Variants in TNRC6A observed in about 807,000 individuals in gnomAD.
The protein encoded by TNRC6A is trinucleotide repeat-containing gene 6A protein.
In TNRC6A, 44 loss-of-function variants were observed where a neutral mutation model predicts 221.2. That is an observed-to-expected ratio of 0.20 (90% CI 0.16 to 0.26). The LOEUF (loss-of-function observed/expected upper bound fraction) is 0.26. Ranked by LOEUF, TNRC6A falls within the 10% of genes least tolerant of loss-of-function variation. The probability of loss-of-function intolerance (pLI) is 1.00; values close to 1 mark genes in which losing one functional copy is unlikely to be tolerated. For missense variants in TNRC6A, 2,199 were observed against 2,404.4 expected (o/e 0.91, Z 1.79); for synonymous variants, 847 against 838.5 (o/e 1.01, Z -0.18).
intron 2 of TNRC6A, among the ~76,000 whole-genome samples, chr16:24,733,283 G>A (rs1951308312): frequency 6.6e-6 from 1 of 152,144 alleles, no homozygotes; most frequent in Admixed American, 6.5e-5. Context: ...GGAAGCCCTG[G>A]TTTCTGAATG....
intron 19 of TNRC6A, chr16:24,816,220 T>A (rs1392500624): frequency 2.7e-5 from 4 of 149,548 alleles, no homozygotes; most frequent in Non-Finnish European, 5.9e-5. Flanking sequence ...TCCCAGCTAC[T>A]CGGGAGGCTG....
chr16:24,655,385 C>T (rs802764), intron 2 of TNRC6A, among the ~76,000 whole-genome samples: 2 of 152,074 alleles, frequency 1.3e-5, no homozygotes, highest in African/African-American at 4.8e-5. Flanking sequence ...ATAAGGGGAA[C>T]AGTCTTTTAA....
chr16:24,801,065 A>G lies in TNRC6A; in HGVS notation c.3694+3099A>G, dbSNP rs542247344. On this transcript the variant is annotated intron_variant, in intron 11 of 24. Transcript: ENST00000395799. ...AAGAAATACAGGAATAGCAGGCTTG[A>G]TAGATACTGCGTTTGAAGGTGCTCT... Among the ~76,000 whole-genome samples the G allele has an allele frequency of 1.4e-3, 207 of 152,366 alleles. 2 individuals are homozygous for G. The highest frequency in any genetic ancestry group is 4.8e-3 in the African/African-American group (199 of 41,598).
At chr16:24,675,690 CTCTCTCTCTCTCTATATATATA>C (rs1289229596) in intron 2 of TNRC6A, among the ~76,000 whole-genome samples, 26 of 87,078 alleles carry the variant, frequency 3.0e-4, no homozygotes, top group African/African-American at 9.7e-4. Flanking sequence ...CTCTCTCTCT[CTCTCTCTCTCTCTATATATATA>C]TATATATATA....
intron 2 of TNRC6A, among the ~76,000 whole-genome samples, chr16:24,657,172 G>A (rs1466313492): frequency 1.3e-5 from 2 of 151,746 alleles, no homozygotes; most frequent in African/African-American, 4.8e-5. Context: ...AAATTAGCCA[G>A]GCATGGTGGT....
At chr16:24,643,078 A>ATTATATATATATATT (rs1350770343) in intron 2 of TNRC6A, among the ~76,000 whole-genome samples, 59 of 133,230 alleles carry the variant, frequency 4.4e-4, no homozygotes, top group South Asian at 1.4e-3. Context: ...TTATATATAT[A>ATTATATATATATATT]TTATATATAT....
chr16:24,812,019 ATTTTTTTTTTTTTTTTTTTTTTTTTTTT>A (rs71156440), intron 18 of TNRC6A, among the ~76,000 whole-genome samples: 928 of 40,850 alleles, frequency 0.023, 23 homozygotes, highest in Middle Eastern at 0.15. Flanking sequence ...TCACTTTGGG[ATTTTTTTTTTTTTTTTTTTTTTTTTTTT>A]TTTTTTTTTT....
rs762543670 is a variant in TNRC6A, at chr16:24,794,716, G to A, written c.3525G>A (p.Ser1175=). Residue 1175 remains serine (S), a synonymous_variant, in exon 8 of 25, where the codon TCG becomes TCA. Transcript: ENST00000395799. ...NWPPYTKKMS[S]KGLSGKKRRR... ...CACCATATACAAAGAAAATGTCATC[G>A]AAGGTAAACATTTCAAGGGCAAAGC... 43 of 1,606,578 alleles carry A rather than the reference G, an allele frequency of 2.7e-5. No homozygotes were observed. Among genetic ancestry groups the A allele is most frequent in the South Asian group, 2.6e-4 (23 of 89,200 alleles).
chr16:24,799,867 T>C (rs2058297121), intron 11 of TNRC6A, among the ~76,000 whole-genome samples: 2 of 152,212 alleles, frequency 1.3e-5, no homozygotes, highest in South Asian at 4.1e-4. Flanking sequence ...TTGCCTTTTA[T>C]GGTTGCCATT....
chr16:24,616,846 T>C (rs1169787970), intron 1 of TNRC6A, among the ~76,000 whole-genome samples: 1 of 151,996 alleles, frequency 6.6e-6, no homozygotes, highest in Admixed American at 6.6e-5. Flanking sequence ...GCTTGAACCC[T>C]GATGGCAGAG....
At chr16:24,715,800 T>C (rs968711608) in intron 2 of TNRC6A, among the ~76,000 whole-genome samples, 11 of 151,942 alleles carry the variant, frequency 7.2e-5, no homozygotes, top group African/African-American at 1.2e-4. Flanking sequence ...TTCATATTTT[T>C]AGTAGAGACG....
intron 11 of TNRC6A, among the ~76,000 whole-genome samples, chr16:24,802,853 G>C (rs1465331791): frequency 1.3e-5 from 2 of 152,178 alleles, no homozygotes; most frequent in African/African-American, 4.8e-5. Flanking sequence ...TGGTGAGGAG[G>C]GGTGGTAGAG....
chr16:24,689,920 T>A (rs1382176348), intron 2 of TNRC6A, among the ~76,000 whole-genome samples: 1 of 144,836 alleles, frequency 6.9e-6, no homozygotes, highest in Non-Finnish European at 1.5e-5. Context: ...TGGCTAATTT[T>A]AAAAAATTTT....
chr16:24,804,134 TG>T, intron 11 of TNRC6A, 42 bp from the exon 12 acceptor site: 1 of 1,544,596 alleles, frequency 6.5e-7, no homozygotes, highest in Non-Finnish European at 8.7e-7. Context: ...TGAAACCAAT[TG>T]GGTTGTCTTC....
At chr16:24,636,104 G>A (rs918386609) in intron 1 of TNRC6A, among the ~76,000 whole-genome samples, 1 of 152,216 alleles carries the variant, frequency 6.6e-6, no homozygotes, top group African/African-American at 2.4e-5. Flanking sequence ...TGGTTTGCAG[G>A]GAGGCATGTG....
chr16:24,685,753 G>A (rs1329772918), intron 2 of TNRC6A, among the ~76,000 whole-genome samples: 8 of 152,186 alleles, frequency 5.3e-5, no homozygotes. Flanking sequence ...ATCTCTCTGT[G>A]CCTCGGTTTG....
intron 2 of TNRC6A, among the ~76,000 whole-genome samples, chr16:24,700,810 C>T (rs1255673679): frequency 2.0e-5 from 3 of 152,212 alleles, no homozygotes; most frequent in Admixed American, 6.5e-5. Flanking sequence ...CACTAGCCAG[C>T]ATGTTGAACA....
chr16:24,825,033 T>C lies in TNRC6A; in HGVS notation c.*1226T>C, dbSNP rs2058842578. The C allele has an allele frequency of 6.6e-6, 1 of 152,652 alleles. No homozygotes were observed. The highest frequency in any genetic ancestry group is 6.5e-5 in the Admixed American group (1 of 15,282). 9.5% of individuals were successfully genotyped at this position (152,652 alleles called of 1,614,324 possible). ...AGTGGCTCCATATGTTTCTGCTCTC[T>C]CGTGACTGTGTTAATGTTTAACTGT... On this transcript the variant is annotated 3_prime_UTR_variant, in exon 25 of 25. Coordinates refer to ENST00000395799, the MANE Select transcript of TNRC6A (RefSeq NM_014494.4).
intron 2 of TNRC6A, among the ~76,000 whole-genome samples, chr16:24,701,899 G>A (rs35656142): frequency 0.49 from 74,757 of 151,652 alleles, 19,715 homozygotes; most frequent in East Asian, 0.82. Context: ...GGACTTTGGA[G>A]TCCATCCATC....
Sources: allele counts gnomAD v4.1 joint callset (sites outside exome capture counted in the v4.1 genomes callset), GRCh38; gene constraint gnomAD v4.1.1; transcripts MANE v1.5; gene names NCBI Gene and HGNC (gene_info 2026-07-23, HGNC 2026-07-21).